Variants in FRYL observed in about 807,000 individuals in gnomAD.
FRYL encodes protein furry homolog-like.
In FRYL, 150 loss-of-function variants were observed where a neutral mutation model predicts 351.2. The observed-to-expected ratio is 0.43, with a 90% CI of 0.37 to 0.49. The LOEUF (loss-of-function observed/expected upper bound fraction) is 0.49, where lower values mean the gene tolerates loss of function less well. FRYL is among the 20% of genes least tolerant of loss of function. FRYL has a pLI of 0.00. For missense variants in FRYL, 3,036 were observed against 3,619.3 expected (o/e 0.84, Z 4.13); for synonymous variants, 1,153 against 1,257.1 (o/e 0.92, Z 1.75).
chr4:48,668,948 A>T (rs707720), intron 3 of FRYL, among the ~76,000 whole-genome samples: 149,888 of 152,346 alleles, frequency 0.98, 73,770 homozygotes, highest in East Asian at 1. Context: ...ACCTTTACAG[A>T]ATATTCCTTT....
chr4:48,651,339 G>GTGTGTA (rs1391767970), intron 3 of FRYL, among the ~76,000 whole-genome samples: 2 of 110,264 alleles, frequency 1.8e-5, no homozygotes, highest in Admixed American at 1.1e-4. Context: ...GTGTGTGTGT[G>GTGTGTA]TAGTGGTAGA....
At chr4:48,511,069 A>C (rs978104779) in intron 57 of FRYL, 85 bp from the exon 58 acceptor site, 1 of 757,890 alleles carries the variant, frequency 1.3e-6, no homozygotes, top group African/African-American at 1.8e-5. Flanking sequence ...AATAGGGTAG[A>C]CTTTTATTTT....
intron 7 of FRYL, chr4:48,618,952 G>A (rs953241089): frequency 3.8e-5 from 8 of 210,674 alleles, no homozygotes; most frequent in Non-Finnish European, 7.5e-5. Context: ...GAAATAAAGT[G>A]GAATAAGGGA....
At chr4:48,528,522 A>C (rs1394886907) in intron 50 of FRYL, among the ~76,000 whole-genome samples, 186 bp from the exon 51 acceptor site, 1 of 152,142 alleles carries the variant, frequency 6.6e-6, no homozygotes, top group Admixed American at 6.6e-5. Flanking sequence ...TTTAATCAAG[A>C]GACTTTATTG....
chr4:48,711,888 G>A (rs2149592188), intron 1 of FRYL, among the ~76,000 whole-genome samples: 1 of 152,282 alleles, frequency 6.6e-6, no homozygotes, highest in East Asian at 1.9e-4. Flanking sequence ...GGAACGATCA[G>A]ACAGCAGCAT....
At chr4:48,617,564 A>G (rs1200202628) in intron 7 of FRYL, 2 of 152,020 alleles carry the variant, frequency 1.3e-5, no homozygotes, top group Non-Finnish European at 2.9e-5. Flanking sequence ...CACTACTAAA[A>G]AAAGTGTTAT....
At chr4:48,606,679 A>T in intron 9 of FRYL, 73 bp from the exon 10 acceptor site, 1 of 1,233,556 alleles carries the variant, frequency 8.1e-7, no homozygotes, top group Non-Finnish European at 1.1e-6. Context: ...TAAGGGTAAA[A>T]ATCAAAAGGT....
intron 2 of FRYL, among the ~76,000 whole-genome samples, chr4:48,685,263 A>T (rs1047576621): frequency 5.9e-5 from 9 of 152,188 alleles, no homozygotes; most frequent in Non-Finnish European, 8.8e-5. Flanking sequence ...ATAATAATCA[A>T]CTACTAATCA....
intron 7 of FRYL, among the ~76,000 whole-genome samples, chr4:48,612,896 C>G (rs961879142): frequency 3.3e-5 from 5 of 150,142 alleles, no homozygotes; most frequent in Non-Finnish European, 7.5e-5. Flanking sequence ...GCCAACTGTT[C>G]TATTTTATTA....
intron 8 of FRYL, 38 bp downstream of exon 8, chr4:48,609,706 A>T (rs1428122942): frequency 1.9e-6 from 2 of 1,049,820 alleles, no homozygotes; most frequent in Non-Finnish European, 2.8e-6. Context: ...CCTGGATTGC[A>T]AAAAAAGGCA....
intron 1 of FRYL, among the ~76,000 whole-genome samples, chr4:48,711,786 C>T (rs550878109): frequency 6.6e-6 from 1 of 152,228 alleles, no homozygotes; most frequent in African/African-American, 2.4e-5. Flanking sequence ...TGACCCCTGA[C>T]CCCCCGAGCA....
At position 48,580,060 on chromosome 4, in the gene FRYL, CATCAT is replaced by C. The variant is rs1330733011; in HGVS notation, c.2259+800_2259+804del. 3.8e-3 allele frequency among the ~76,000 whole-genome samples: 38 copies of C among 10,122 alleles called. 1 individual carries two copies. In the East Asian group the frequency reaches 0.13, roughly 34 times the overall value. 6.6% of individuals were successfully genotyped at this position (10,122 alleles called of 152,430 possible). ...TTTAAAAAGTTTAGCATCATGGTAG[CATCAT>C]GGCGGGGGGGAATTGTACAGATTTC... On this transcript the variant is annotated intron_variant, in intron 22 of 63. Coordinates refer to ENST00000358350, the MANE Select transcript of FRYL (RefSeq NM_015030.2).
chr4:48,531,894 G>T (rs1293627928), intron 49 of FRYL, among the ~76,000 whole-genome samples: 2 of 152,024 alleles, frequency 1.3e-5, no homozygotes, highest in African/African-American at 4.8e-5. Context: ...TGTTCTCAGG[G>T]ATTACTGAGT....
chr4:48,745,236 A>G (rs1772535338), intron 1 of FRYL, among the ~76,000 whole-genome samples: 1 of 152,242 alleles, frequency 6.6e-6, no homozygotes, highest in Non-Finnish European at 1.5e-5. Flanking sequence ...CATTTGACCC[A>G]GCAATCCCAT....
chr4:48,557,779 C>A, intron 33 of FRYL, 67 bp from the exon 34 acceptor site: 1 of 1,555,436 alleles, frequency 6.4e-7, no homozygotes, highest in Admixed American at 1.8e-5. Flanking sequence ...TAATTAATTC[C>A]AACAGATTTC....
At chr4:48,649,111 C>A (rs1449866748) in intron 3 of FRYL, among the ~76,000 whole-genome samples, 2 of 152,116 alleles carry the variant, frequency 1.3e-5, no homozygotes, top group Non-Finnish European at 2.9e-5. Flanking sequence ...ACGATAGGTA[C>A]TTACCACAAT....
At chr4:48,506,655 T>TTC in intron 59 of FRYL, 1 of 93,982 alleles carries the variant, frequency 1.1e-5, no homozygotes, top group East Asian at 3.1e-4. Flanking sequence ...TATATATATA[T>TTC]ATATATATAT....
intron 2 of FRYL, among the ~76,000 whole-genome samples, chr4:48,687,516 A>AGGGGG (rs1560861234): frequency 4.3e-5 from 2 of 46,500 alleles, no homozygotes; most frequent in African/African-American, 1.9e-4. Context: ...GTGAGGGGGG[A>AGGGGG]GGGGGGCGGA....
chr4:48,682,579 C>A (rs1764739257), intron 3 of FRYL, among the ~76,000 whole-genome samples: 1 of 152,002 alleles, frequency 6.6e-6, no homozygotes, highest in African/African-American at 2.4e-5. Flanking sequence ...AAGAAAAAAA[C>A]AAACAACTGC....
Sources: allele counts gnomAD v4.1 joint callset (sites outside exome capture counted in the v4.1 genomes callset), GRCh38; gene constraint gnomAD v4.1.1; transcripts MANE v1.5; gene names NCBI Gene and HGNC (gene_info 2026-07-23, HGNC 2026-07-21).